The following STAU2 variants were observed in gnomAD, a reference collection of about 807,000 sequenced individuals.
STAU2 encodes staufen double-stranded RNA binding protein 2.
In STAU2, 20 loss-of-function variants were observed where a neutral mutation model predicts 65.9. The ratio of observed to expected loss-of-function variants is 0.30; its 90% confidence interval spans 0.21 to 0.44. The LOEUF is 0.44. Ranked by LOEUF, STAU2 falls within the 20% of genes least tolerant of loss-of-function variation. The pLI is 1.00. For synonymous variants in STAU2, 232 were observed against 233.9 expected, an observed-to-expected ratio of 0.99 and a Z score of 0.07; for missense variants, 558 against 683.9, an observed-to-expected ratio of 0.82 and a Z score of 2.05.
At chr8:73,654,676 A>T (rs573705508) in intron 6 of STAU2, among the ~76,000 whole-genome samples, 19 of 117,308 alleles carry the variant, frequency 1.6e-4, no homozygotes, top group South Asian at 2.8e-4. Context: ...TCTTTTAATT[A>T]TCAAACCTTT....
chr8:73,679,256 G>A (rs115776240), intron 5 of STAU2, among the ~76,000 whole-genome samples: 232 of 152,252 alleles, frequency 1.5e-3, no homozygotes, highest in African/African-American at 5.1e-3. Flanking sequence ...GAGGTCACCC[G>A]GAGAAAATGA....
intron 13 of STAU2, chr8:73,550,979 G>C: frequency 3.0e-6 from 3 of 985,662 alleles, no homozygotes; most frequent in Non-Finnish European, 3.6e-6. Flanking sequence ...ATCTTCTAGA[G>C]CATTTCTAAA....
intron 13 of STAU2, among the ~76,000 whole-genome samples, chr8:73,432,621 A>G (rs1817386453): frequency 6.6e-6 from 1 of 152,228 alleles, no homozygotes; most frequent in Non-Finnish European, 1.5e-5. Flanking sequence ...AGTCTATTAC[A>G]TTTCAGATGA....
chr8:73,440,979 C>T (rs1388122317), intron 13 of STAU2: 2 of 152,194 alleles, frequency 1.3e-5, no homozygotes, highest in Non-Finnish European at 2.9e-5. Context: ...ACTCCTGTCT[C>T]AAGGACTTTC....
chr8:73,471,887 G>A (rs1820054555), intron 13 of STAU2, among the ~76,000 whole-genome samples: 1 of 151,108 alleles, frequency 6.6e-6, no homozygotes, highest in African/African-American at 2.4e-5. Context: ...ACGTTAAGAC[G>A]TAGGTAGGTT....
At chr8:73,672,186 T>C (rs1817732355) in intron 6 of STAU2, 1 of 152,150 alleles carries the variant, frequency 6.6e-6, no homozygotes, top group Non-Finnish European at 1.5e-5. Flanking sequence ...AAAACCCAGA[T>C]ATAAGCAACA....
intron 13 of STAU2, among the ~76,000 whole-genome samples, chr8:73,501,266 G>A (rs1221413606): frequency 6.6e-6 from 1 of 151,712 alleles, no homozygotes; most frequent in African/African-American, 2.4e-5. Context: ...GATTTAATAA[G>A]AAAAAGAGAA....
At chr8:73,531,525 A>C (rs1285387734) in intron 13 of STAU2, among the ~76,000 whole-genome samples, 6 of 152,314 alleles carry the variant, frequency 3.9e-5, no homozygotes, top group African/African-American at 1.4e-4. Context: ...CTTAAGAAAA[A>C]GTCACATTTT....
chr8:73,581,316 G>A (rs10097111), intron 12 of STAU2, among the ~76,000 whole-genome samples: 46,478 of 152,016 alleles, frequency 0.31, 8,484 homozygotes, highest in African/African-American at 0.52. Flanking sequence ...TTTAGTGCCT[G>A]AATGTAACTA....
At chr8:73,679,392 G>A (rs548546904) in intron 5 of STAU2, among the ~76,000 whole-genome samples, 1 of 152,266 alleles carries the variant, frequency 6.6e-6, no homozygotes, top group South Asian at 2.1e-4. Context: ...AGAATTCACA[G>A]ACCCTTTGAA....
At chr8:73,534,590 G>A (rs574830000) in intron 13 of STAU2, among the ~76,000 whole-genome samples, 1 of 152,278 alleles carries the variant, frequency 6.6e-6, no homozygotes, top group Non-Finnish European at 1.5e-5. Flanking sequence ...GCTAGCTCAT[G>A]ATTAGCATTA....
intron 6 of STAU2, among the ~76,000 whole-genome samples, chr8:73,640,740 A>G (rs1469461259): frequency 1.3e-5 from 2 of 152,144 alleles, no homozygotes; most frequent in African/African-American, 4.8e-5. Context: ...TAGACTGCCA[A>G]CCCCTGCCTC....
At chr8:73,678,423 T>C (rs1818167315) in intron 5 of STAU2, among the ~76,000 whole-genome samples, 1 of 152,194 alleles carries the variant, frequency 6.6e-6, no homozygotes, top group Admixed American at 6.5e-5. Flanking sequence ...CCTTTCCTCA[T>C]AGTATTCCCT....
intron 4 of STAU2, among the ~76,000 whole-genome samples, chr8:73,700,977 G>A (rs1295622021): frequency 1.3e-5 from 2 of 151,914 alleles, no homozygotes; most frequent in African/African-American, 4.8e-5. Context: ...ACACACCTAC[G>A]ATGAACTCAT....
intron 13 of STAU2, among the ~76,000 whole-genome samples, chr8:73,446,112 T>C (rs1818453440): frequency 6.6e-6 from 1 of 152,152 alleles, no homozygotes; most frequent in Admixed American, 6.5e-5. Context: ...TACTCAGCCA[T>C]CAAAAGGAAC....
chr8:73,689,969 C>G (rs1819209368), intron 4 of STAU2, among the ~76,000 whole-genome samples: 3 of 151,010 alleles, frequency 2.0e-5, no homozygotes. Context: ...AAACAAATGG[C>G]CTAGGCTCCA....
chr8:73,559,515 G>A (rs780336728), intron 12 of STAU2, among the ~76,000 whole-genome samples: 3 of 152,212 alleles, frequency 2.0e-5, no homozygotes, highest in Non-Finnish European at 2.9e-5. Flanking sequence ...ATGAAAGCAA[G>A]GGAGATCCTG....
intron 6 of STAU2, among the ~76,000 whole-genome samples, chr8:73,659,160 G>A (rs1816634273): frequency 6.6e-6 from 1 of 152,134 alleles, no homozygotes; most frequent in Admixed American, 6.5e-5. Context: ...GGAATTTTTA[G>A]AGCAATGACT....
At chr8:73,631,035 T>C (rs1814057279) in intron 6 of STAU2, among the ~76,000 whole-genome samples, 1 of 152,116 alleles carries the variant, frequency 6.6e-6, no homozygotes, top group South Asian at 2.1e-4. Context: ...CTAGGAGATC[T>C]GACATTTGGT....
Sources: gnomAD v4.1 joint callset for allele counts (sites outside exome capture counted in the v4.1 genomes callset) on GRCh38, gnomAD v4.1.1 for gene constraint, MANE v1.5 for transcripts, NCBI Gene and HGNC (gene_info 2026-07-23, HGNC 2026-07-21) for gene names.